DCST2: variants seen among roughly 807,000 people sequenced by gnomAD.
DCST2 encodes the protein DC-STAMP domain containing 2.
Under a neutral mutation model 81.8 loss-of-function variants are expected in DCST2, and 64 were observed. That is an observed-to-expected ratio of 0.78 (90% CI 0.64 to 0.96). DCST2 has a LOEUF of 0.96. Ranked by LOEUF, DCST2 falls within the 40% of genes least tolerant of loss-of-function variation. DCST2 has a pLI of 0.00. For synonymous variants in DCST2, 354 were observed against 402.6 expected, an observed-to-expected ratio of 0.88 and a Z score of 1.44; for missense variants, 945 against 1,001.4, an observed-to-expected ratio of 0.94 and a Z score of 0.76.
chr1:155,030,074 G>T lies in DCST2; in HGVS notation c.1177+10C>A. ...CTGGCTTGGGCTCTCCCTGTCCTCA[G>T]GGCCCTCACCCGGTGGGATGTAGCG... is the stretch of plus-strand genomic sequence containing the variant. On this transcript the variant is annotated intron_variant, in intron 7 of 14. Transcript: ENST00000368424. 6.2e-7 allele frequency: 1 copy of T among 1,612,672 alleles called. No individual in the cohort carries two copies. Among genetic ancestry groups the T allele is most frequent in the Non-Finnish European group, 8.5e-7 (1 of 1,179,868 alleles).
At chr1:155,030,694 G>A in intron 5 of DCST2, 49 bp from the exon 6 acceptor site, 1 of 1,599,310 alleles carries the variant, frequency 6.3e-7, no homozygotes, top group Non-Finnish European at 8.5e-7. Flanking sequence ...AGTTAGGAGA[G>A]GGTGGAGCTG....
intron 8 of DCST2, among the ~76,000 whole-genome samples, chr1:155,028,039 C>T (rs1257909187): frequency 1.3e-5 from 2 of 152,030 alleles, no homozygotes; most frequent in African/African-American, 4.8e-5. Context: ...ATTTTCCTGC[C>T]TCAGCCTCCC....
In DCST2 at chr1:155,023,244, C is replaced by G. The variant is rs751831385; in HGVS notation, c.1978G>C (p.Glu660Gln). The change falls in exon 14 of 15, where the codon GAG (glutamate) becomes CAG (glutamine). Residue 660 changes from glutamate to glutamine, a missense_variant. Physicochemically the swap from Glu to Gln is conservative, Grantham distance 29 (BLOSUM62 2). Transcript: ENST00000368424. ...DLDLELDSSD[E>Q]EGPQLWLAAA... is the part of the protein sequence containing the mutation. ...GCCAGCCATAGCTGAGGGCCCTCCTCATCGCTGGAGTCCCTGGAGAAGACT... is the reference window on the plus strand; with the variant it reads ...GCCAGCCATAGCTGAGGGCCCTCCTGATCGCTGGAGTCCCTGGAGAAGACT... The G allele has an allele frequency of 1.2e-6, 2 of 1,614,194 alleles. No homozygotes were observed. Among genetic ancestry groups the G allele is most frequent in the Non-Finnish European group, 1.7e-6 (2 of 1,180,034 alleles).
In DCST2 at chr1:155,032,959, G is replaced by A. The variant is rs942193835; in HGVS notation, c.439+135C>T. The A allele has an allele frequency of 2.4e-5, 26 of 1,099,610 alleles. No individual in the cohort carries two copies. The African/African-American group carries it at 4.1e-4, about 17-fold the overall frequency. 68.1% of individuals were successfully genotyped at this position (1,099,610 alleles called of 1,614,324 possible). ...GAGCAAGGAGAGAGGGTTTAGCTGT[G>A]CCCAGAGTCCCTTCCAGGCCCAGAT... On this transcript the variant is annotated intron_variant, in intron 2 of 14. Coordinates refer to ENST00000368424, the MANE Select transcript of DCST2 (RefSeq NM_144622.3).
Position 155,026,552 on chromosome 1 carries a change from G to T in DCST2, c.1506C>A (p.Val502=). 1 of 1,614,136 alleles carries T rather than the reference G, an allele frequency of 6.2e-7. No individual in the cohort carries two copies. The highest frequency in any genetic ancestry group is 1.1e-5 in the South Asian group (1 of 91,040). Residue 502 remains valine, a synonymous_variant, in exon 9 of 15, where the codon GTC becomes GTA. Transcript: ENST00000368424. The stretch of plus-strand genomic sequence containing the variant: ...ACCTCAGGGTGTAGTTGATACCAAT[G>T]ACTATGTAGCCAGTGCTGTCAGGCT... The part of the protein sequence containing the change: ...PSEPDSTGYI[V]IGVMYGLCFF...
intron 4 of DCST2, 146 bp from the exon 5 acceptor site, chr1:155,031,380 G>A (rs1015509524): frequency 3.1e-5 from 32 of 1,044,222 alleles, no homozygotes; most frequent in African/African-American, 2.7e-4. Context: ...CCTCCCTGTC[G>A]CCCTTCTCTC....
chr1:155,025,686 T>G lies in DCST2; in HGVS notation c.1611+616A>C, dbSNP rs547996974. ...CAACACTGCCCCCACCTCACCACCA[T>G]GTTTTTTTGTTTTGTTTTGTTTTGT... On this transcript the variant is annotated intron_variant, in intron 10 of 14. Coordinates refer to ENST00000368424, the MANE Select transcript of DCST2 (RefSeq NM_144622.3). 2.5e-4 allele frequency among the ~76,000 whole-genome samples: 37 copies of G among 150,598 alleles called. No homozygotes were observed. In the South Asian group the frequency reaches 7.4e-3, roughly 30 times the overall value.
chr1:155,027,031 T>A (rs1217250364), intron 8 of DCST2, among the ~76,000 whole-genome samples: 1 of 152,012 alleles, frequency 6.6e-6, no homozygotes, highest in Non-Finnish European at 1.5e-5. Context: ...GCATTTATTT[T>A]TTTTTTTAAT....
chr1:155,024,337 G>T, intron 11 of DCST2, 135 bp downstream of exon 11: 1 of 1,242,994 alleles, frequency 8.0e-7, no homozygotes, highest in Non-Finnish European at 1.1e-6. Flanking sequence ...ACCTTTCACA[G>T]CGTTAAGGGT....
At chr1:155,030,390 C>T (rs754927933) in intron 6 of DCST2, 42 bp downstream of exon 6, 2 of 1,604,682 alleles carry the variant, frequency 1.2e-6, no homozygotes, top group East Asian at 2.2e-5. Flanking sequence ...TGGCCCTGCA[C>T]CCCCGGCCCT....
At chr1:155,019,242 GT>G (rs1659671408) in intron 14 of DCST2, among the ~76,000 whole-genome samples, 1 of 152,156 alleles carries the variant, frequency 6.6e-6, no homozygotes, top group Admixed American at 6.5e-5. Context: ...GGCCCGTAGT[GT>G]TTTTTTGCAA....
At chr1:155,030,739 G>A (rs1050120030) in intron 5 of DCST2, 94 bp from the exon 6 acceptor site, 21 of 1,371,302 alleles carry the variant, frequency 1.5e-5, no homozygotes, top group East Asian at 9.6e-5. Context: ...CCCAGGGGGC[G>A]CAGCTTACAG....
chr1:155,031,427 C>CCCA, intron 4 of DCST2, 147 bp downstream of exon 4: 1 of 986,472 alleles, frequency 1.0e-6, no homozygotes, highest in Admixed American at 2.2e-5. Context: ...ACCCCCACCC[C>CCCA]CAATACTGGT....
intron 10 of DCST2, among the ~76,000 whole-genome samples, chr1:155,025,619 A>T (rs1316698515): frequency 6.6e-6 from 1 of 151,584 alleles, no homozygotes; most frequent in East Asian, 1.9e-4. Flanking sequence ...GAGCCACCAA[A>T]CCCAGCCCCG....
Position 155,023,814 on chromosome 1 carries a change from C to T in DCST2, c.1870+18G>A, listed in dbSNP as rs373076565. 112 of 1,612,162 alleles carry T rather than the reference C, an allele frequency of 6.9e-5. No individual in the cohort carries two copies. The highest frequency in any genetic ancestry group is 1.6e-4 in the Middle Eastern group (1 of 6,082). ...GTAAGTCCGAGCAGGGAGAGGCACACGCCCCAGGGGGTCTCACCTTGGCAG... is the reference window on the plus strand; with the variant it reads ...GTAAGTCCGAGCAGGGAGAGGCACATGCCCCAGGGGGTCTCACCTTGGCAG... On this transcript the variant is annotated intron_variant, in intron 12 of 14. Coordinates refer to ENST00000368424, the MANE Select transcript of DCST2 (RefSeq NM_144622.3).
chr1:155,029,292 G>T lies in DCST2; in HGVS notation c.1283C>A (p.Ala428Asp). The T allele has an allele frequency of 6.2e-7, 1 of 1,614,124 alleles. No individual in the cohort carries two copies. The change falls in exon 8 of 15, where the codon GCT (alanine) becomes GAT (aspartate). Residue 428 changes from alanine to aspartate, a missense_variant. Transcript: ENST00000368424. ...GGCCAGGTCAAGCACCCAGAAGACA[G>T]CATAGTCTAGGAAGACTAGGAACAG... ...LVLFLVFLDY[A>D]VFWVLDLARH...
chr1:155,029,888 G>A (rs565111554), intron 7 of DCST2, among the ~76,000 whole-genome samples, 196 bp downstream of exon 7: 21 of 152,316 alleles, frequency 1.4e-4, no homozygotes, highest in Non-Finnish European at 2.9e-4. Context: ...TTCAGACTGC[G>A]GGCTCCCCAA....
intron 8 of DCST2, 143 bp downstream of exon 8, chr1:155,029,090 T>G (rs1211265680): frequency 1.0e-6 from 1 of 973,436 alleles, no homozygotes; most frequent in African/African-American, 1.6e-5. Flanking sequence ...GGCTGCTGAG[T>G]AACAGTGACA....
In DCST2 at chr1:155,024,570, C is replaced by A; in HGVS notation, c.1644G>T (p.Leu548=). ...ERISYLYNVL[L]SRRTNLLAAL... is the part of the protein sequence containing the mutation. Reference sequence around the variant, plus strand: ...CAGCCAACAGATTGGTTCGGCGGCTCAGAAGTACATTGTACAGGTAGGAGA... The same window carrying A: ...CAGCCAACAGATTGGTTCGGCGGCTAAGAAGTACATTGTACAGGTAGGAGA... The change falls in exon 11 of 15, where the codon CTG becomes CTT. Residue 548 remains leucine (L), a synonymous_variant. Transcript: ENST00000368424. The A allele has an allele frequency of 6.2e-7, 1 of 1,609,330 alleles. No homozygotes were observed. The highest frequency in any genetic ancestry group is 1.1e-5 in the South Asian group (1 of 89,560).
Sources: allele counts gnomAD v4.1 joint callset (sites outside exome capture counted in the v4.1 genomes callset), GRCh38; gene constraint gnomAD v4.1.1; transcripts MANE v1.5; gene names NCBI Gene and HGNC (gene_info 2026-07-23, HGNC 2026-07-21).